ETV6: variants seen among roughly 807,000 people sequenced by gnomAD.
ETV6 encodes transcription factor ETV6.
ETV6 carries 16 observed loss-of-function variants against 51.1 expected under a neutral mutation model. That is an observed-to-expected ratio of 0.31 (90% CI 0.21 to 0.48). The LOEUF (loss-of-function observed/expected upper bound fraction) is 0.48, where lower values mean the gene tolerates loss of function less well. Among genes scored for constraint, ETV6 ranks in the 20% least tolerant of loss-of-function variants. The pLI is 0.99. For missense variants in ETV6, 458 were observed against 594.8 expected (o/e 0.77, Z 2.39); for synonymous variants, 240 against 224.1 (o/e 1.07, Z -0.64).
Position 11,656,445 on chromosome 12 carries a change from C to G in ETV6, c.33+6285C>G, listed in dbSNP as rs139218933. 7.9e-5 allele frequency among the ~76,000 whole-genome samples: 12 copies of G among 152,318 alleles called. No homozygotes were observed. The East Asian group carries it at 1.7e-3, about 22-fold the overall frequency. ...GGAATAGAGCTGGCAGAAGTGCTTGCAGAGGTTCTGAATTTCCTCTGCTTC... is the reference window on the plus strand; with the variant it reads ...GGAATAGAGCTGGCAGAAGTGCTTGGAGAGGTTCTGAATTTCCTCTGCTTC... On this transcript the variant is annotated intron_variant, in intron 1 of 7. Coordinates refer to ENST00000396373, the MANE Select transcript of ETV6 (RefSeq NM_001987.5).
intron 5 of ETV6, among the ~76,000 whole-genome samples, chr12:11,877,403 TG>T (rs1037421153): frequency 1.1e-4 from 17 of 152,240 alleles, no homozygotes; most frequent in African/African-American, 4.1e-4. Context: ...ATGAAAGTGC[TG>T]GGGGCAAGTC....
At chr12:11,803,224 C>CT (rs1555133942) in intron 2 of ETV6, among the ~76,000 whole-genome samples, 1 of 152,138 alleles carries the variant, frequency 6.6e-6, no homozygotes, top group Non-Finnish European at 1.5e-5. Flanking sequence ...CTGGACATGT[C>CT]TTTAGGTGGA....
chr12:11,726,259 GA>G (rs1374482446), intron 1 of ETV6, among the ~76,000 whole-genome samples: 1 of 152,164 alleles, frequency 6.6e-6, no homozygotes, highest in African/African-American at 2.4e-5. Flanking sequence ...GGAGCTGAAG[GA>G]AAAGAGGGGA....
At chr12:11,791,835 G>A (rs986187567) in intron 2 of ETV6, among the ~76,000 whole-genome samples, 3 of 151,962 alleles carry the variant, frequency 2.0e-5, no homozygotes, top group African/African-American at 7.3e-5. Flanking sequence ...AAACCCAGCT[G>A]CACAACAGAT....
At chr12:11,702,600 T>A (rs1865005436) in intron 1 of ETV6, among the ~76,000 whole-genome samples, 1 of 148,244 alleles carries the variant, frequency 6.7e-6, no homozygotes, top group South Asian at 2.3e-4. Flanking sequence ...CCACTGCCTG[T>A]AATCTCTTGG....
At chr12:11,813,134 G>A (rs1317528361) in intron 2 of ETV6, among the ~76,000 whole-genome samples, 2 of 152,254 alleles carry the variant, frequency 1.3e-5, no homozygotes, top group Non-Finnish European at 2.9e-5. Context: ...CTGCCCTCCG[G>A]GGAGAGTGGA....
At chr12:11,840,917 G>C (rs1946380437) in intron 3 of ETV6, 1 of 168,554 alleles carries the variant, frequency 5.9e-6, no homozygotes, top group South Asian at 1.3e-4. Flanking sequence ...TATTCCAGTG[G>C]AAACTCAGAG....
rs150858928 is a variant in ETV6 at position 11,752,493 on chromosome 12, G to C, written c.77G>C (p.Ser26Thr). ...SYTPPESPVP[S>T]YASSTPLHVP... ...ACACCTCCAGAGAGCCCAGTGCCGA[G>C]TTACGCTTCCTCGACGCCACTTCAT... The change falls in exon 2 of 8, where the codon AGT becomes ACT. Residue 26 changes from serine to threonine, a missense_variant. Around this residue, in one of 4 missense-constraint regions of ETV6, gnomAD observed 84 missense variants for 75.9 expected, o/e 1.11. Coordinates refer to ENST00000396373, the MANE Select transcript of ETV6 (RefSeq NM_001987.5). The C allele has an allele frequency of 4.2e-4, 679 of 1,613,866 alleles. No individual in the cohort carries two copies. Among genetic ancestry groups the C allele is most frequent in the Non-Finnish European group, 5.1e-4 (598 of 1,179,960 alleles).
At chr12:11,778,788 C>A (rs969108262) in intron 2 of ETV6, among the ~76,000 whole-genome samples, 1 of 152,172 alleles carries the variant, frequency 6.6e-6, no homozygotes. Context: ...AAGCTAAGTT[C>A]TTTCTTTAAG....
chr12:11,749,696 C>T (rs769709915), intron 1 of ETV6, among the ~76,000 whole-genome samples: 1 of 152,176 alleles, frequency 6.6e-6, no homozygotes, highest in Non-Finnish European at 1.5e-5. Context: ...AAAAGAGAGA[C>T]AAAAGGAGTC....
chr12:11,854,171 G>A (rs1946598013), intron 4 of ETV6, among the ~76,000 whole-genome samples: 1 of 152,016 alleles, frequency 6.6e-6, no homozygotes, highest in African/African-American at 2.4e-5. Flanking sequence ...TAAGGAGTGT[G>A]CAACTAGATC....
chr12:11,738,346 T>C, intron 1 of ETV6, among the ~76,000 whole-genome samples: 1 of 147,856 alleles, frequency 6.8e-6, no homozygotes, highest in African/African-American at 2.5e-5. Context: ...AGACAGGGTC[T>C]TGCTCAGTCA....
intron 1 of ETV6, among the ~76,000 whole-genome samples, chr12:11,711,710 G>C (rs1865175505): frequency 6.6e-6 from 1 of 152,188 alleles, no homozygotes; most frequent in Non-Finnish European, 1.5e-5. Flanking sequence ...GGTCCTGTTA[G>C]GGACATACTC....
chr12:11,770,419 G>C (rs1945226340), intron 2 of ETV6, among the ~76,000 whole-genome samples: 1 of 152,076 alleles, frequency 6.6e-6, no homozygotes, highest in African/African-American at 2.4e-5. Context: ...AAGGAAGCCA[G>C]ATAACTTTCT....
Position 11,894,272 on chromosome 12 carries a change from G to C in ETV6, c.*3226G>C, listed in dbSNP as rs2136627408. ...AGTCAGGAGAGGAAAATGCAAAGGA[G>C]CCCTGCCGTGTGATGGATGTGCATT... is the stretch of plus-strand genomic sequence containing the variant. On this transcript the variant is annotated 3_prime_UTR_variant, in exon 8 of 8. Coordinates refer to ENST00000396373, the MANE Select transcript of ETV6 (RefSeq NM_001987.5). 1 of 232,890 alleles carries C rather than the reference G, an allele frequency of 4.3e-6. No homozygotes were observed. The highest frequency in any genetic ancestry group is 8.5e-6 in the Non-Finnish European group (1 of 117,820). The allele number at this position is 232,890 out of a possible 1,614,324, so 14.4% of individuals were successfully genotyped here.
intron 2 of ETV6, among the ~76,000 whole-genome samples, chr12:11,807,562 G>A (rs1945847382): frequency 6.6e-6 from 1 of 152,158 alleles, no homozygotes. Context: ...TCATTTCTGA[G>A]CCTGTTGAAA....
At chr12:11,829,436 A>G (rs1946209654) in intron 2 of ETV6, among the ~76,000 whole-genome samples, 1 of 152,236 alleles carries the variant, frequency 6.6e-6, no homozygotes, top group South Asian at 2.1e-4. Flanking sequence ...AGCGCTAGTA[A>G]GTGGTGCAGC....
chr12:11,707,306 G>T (rs930877138), intron 1 of ETV6, among the ~76,000 whole-genome samples: 3 of 152,202 alleles, frequency 2.0e-5, no homozygotes, highest in African/African-American at 7.2e-5. Context: ...CCATGAGCAG[G>T]CTTGCTGTGG....
chr12:11,803,791 C>G (rs1010467684), intron 2 of ETV6, among the ~76,000 whole-genome samples: 1 of 152,132 alleles, frequency 6.6e-6, no homozygotes, highest in African/African-American at 2.4e-5. Context: ...TACAGAAAGT[C>G]TGTCATTATA....
Sources: allele counts gnomAD v4.1 joint callset (sites outside exome capture counted in the v4.1 genomes callset), GRCh38; gene constraint gnomAD v4.1.1; regional missense constraint gnomAD v4.1.1; transcripts MANE v1.5; gene names NCBI Gene and HGNC (gene_info 2026-07-23, HGNC 2026-07-21).